The following LARP1B variants were observed in gnomAD, a reference collection of about 807,000 sequenced individuals.
LARP1B encodes La ribonucleoprotein 1B.
A neutral mutation model predicts 114.2 loss-of-function variants in LARP1B; 76 were observed. That is an observed-to-expected ratio of 0.67 (90% CI 0.55 to 0.81). LARP1B has a LOEUF of 0.81. LARP1B is among the 30% of genes least tolerant of loss of function. The pLI is 0.00. For synonymous variants in LARP1B, 345 were observed against 348.0 expected (o/e 0.99, Z 0.10); for missense variants, 1,014 against 1,075.8 (o/e 0.94, Z 0.80).
intron 15 of LARP1B, among the ~76,000 whole-genome samples, chr4:128,192,688 A>G (rs1752648599): frequency 6.6e-6 from 1 of 152,236 alleles, no homozygotes; most frequent in Admixed American, 6.5e-5. Context: ...AAGTGAAACC[A>G]TCTTTTAAGT....
chr4:128,162,157 G>A (rs746529483), intron 11 of LARP1B, 37 bp from the exon 12 acceptor site: 46 of 1,601,150 alleles, frequency 2.9e-5, no homozygotes, highest in Middle Eastern at 1.7e-4. Context: ...TACTCTGTTA[G>A]CCAGTTTAGT....
At chr4:128,088,021 G>A (rs1774349886) in intron 5 of LARP1B, among the ~76,000 whole-genome samples, 1 of 151,220 alleles carries the variant, frequency 6.6e-6, no homozygotes, top group African/African-American at 2.4e-5. Flanking sequence ...AATAGACAAA[G>A]TTATACAGAA....
At chr4:128,110,029 G>A (rs900100077) in intron 9 of LARP1B, among the ~76,000 whole-genome samples, 33 of 151,984 alleles carry the variant, frequency 2.2e-4, no homozygotes, top group African/African-American at 7.3e-4. Context: ...TCAGCCTCCC[G>A]AGTAGCTGAG....
intron 1 of LARP1B, chr4:128,069,099 C>T (rs764377167): frequency 1.7e-5 from 18 of 1,073,964 alleles, no homozygotes; most frequent in African/African-American, 9.3e-5. Flanking sequence ...GCACTTAAGG[C>T]CCTTTCCAAG....
chr4:128,201,300 A>G (rs1755863130), intron 17 of LARP1B, among the ~76,000 whole-genome samples: 1 of 152,194 alleles, frequency 6.6e-6, no homozygotes, highest in Non-Finnish European at 1.5e-5. Flanking sequence ...AGATGGGATC[A>G]TTAGGAACCA....
At chr4:128,095,670 A>G (rs948289893) in intron 7 of LARP1B, among the ~76,000 whole-genome samples, 2 of 152,100 alleles carry the variant, frequency 1.3e-5, no homozygotes, top group African/African-American at 4.8e-5. Flanking sequence ...CTTCCCCTTC[A>G]GTAAAAGGTA....
intron 7 of LARP1B, among the ~76,000 whole-genome samples, chr4:128,097,368 C>T (rs1281555954): frequency 6.6e-6 from 1 of 151,704 alleles, no homozygotes; most frequent in Non-Finnish European, 1.5e-5. Flanking sequence ...AGTGCAATGA[C>T]GCGATCTTGG....
In LARP1B at chr4:128,157,594, C is replaced by T. The variant is rs552157506; in HGVS notation, c.1525-4600C>T. Among the ~76,000 whole-genome samples, 7 of 152,128 alleles carry T rather than the reference C, an allele frequency of 4.6e-5. No individual in the cohort carries two copies. The South Asian group carries it at 1.2e-3, about 27-fold the overall frequency. On this transcript the variant is annotated intron_variant, in intron 11 of 19. Coordinates refer to ENST00000326639, the MANE Select transcript of LARP1B (RefSeq NM_018078.4). ...AAAGCTGGATAAAAAGGACAGATTA[C>T]AAGCATTAATAGTAAGACTTACAGC...
At position 128,211,701 on chromosome 4, in the gene LARP1B, C is replaced by T. The variant is rs1024198135; in HGVS notation, c.*1648C>T. 11 of 985,018 alleles carry T rather than the reference C, an allele frequency of 1.1e-5. No individual in the cohort carries two copies. In the African/African-American group the frequency reaches 1.7e-4, roughly 16 times the overall value. The allele number at this position is 985,018 out of a possible 1,614,324, so 61.0% of individuals were successfully genotyped here. ...ACCGTGCTTATTAGCTTTAAATGGT[C>T]TCTTGAAATGATCATAAATTTTTCT... On this transcript the variant is annotated 3_prime_UTR_variant, in exon 20 of 20. Transcript: ENST00000326639.
chr4:128,221,165 T>C (rs138555932), intron 7 of LARP1B, among the ~76,000 whole-genome samples: 50 of 152,326 alleles, frequency 3.3e-4, no homozygotes, highest in African/African-American at 1.2e-3. Flanking sequence ...TGATTTACAA[T>C]ATATGCTAAA....
At chr4:128,062,096 G>A in intron 1 of LARP1B, 1 of 985,408 alleles carries the variant, frequency 1.0e-6, no homozygotes, top group Non-Finnish European at 1.2e-6. Flanking sequence ...AGCTGGCCCT[G>A]CGGAAAAGCG....
intron 8 of LARP1B, among the ~76,000 whole-genome samples, chr4:128,098,747 G>GTGTGTGTGTGTGTGTA: frequency 6.4e-5 from 1 of 15,586 alleles, no homozygotes; most frequent in East Asian, 1.8e-3. Flanking sequence ...ATATGTATGT[G>GTGTGTGTGTGTGTGTA]TATATATATA....
At chr4:128,140,408 GA>G (rs1370499445) in intron 11 of LARP1B, among the ~76,000 whole-genome samples, 4 of 152,286 alleles carry the variant, frequency 2.6e-5, no homozygotes, top group African/African-American at 9.6e-5. Context: ...CTGAATGAAA[GA>G]AGTGAGGGTT....
chr4:128,097,830 C>T (rs1778629186), intron 7 of LARP1B, among the ~76,000 whole-genome samples: 1 of 151,844 alleles, frequency 6.6e-6, no homozygotes, highest in South Asian at 2.1e-4. Context: ...TTAAATGAAA[C>T]AAGTAGAAGT....
At chr4:128,152,662 A>AT (rs939243184) in intron 11 of LARP1B, among the ~76,000 whole-genome samples, 10 of 150,170 alleles carry the variant, frequency 6.7e-5, no homozygotes, top group Non-Finnish European at 1.3e-4. Context: ...TCTCCACTTC[A>AT]TTTTTTTATT....
chr4:128,157,172 T>C (rs1030006880), intron 11 of LARP1B, among the ~76,000 whole-genome samples: 5 of 152,150 alleles, frequency 3.3e-5, no homozygotes, highest in Admixed American at 3.3e-4. Context: ...AATTTCAGTA[T>C]AGAGCCAGAA....
At chr4:128,093,554 C>T (rs1355455828) in intron 7 of LARP1B, among the ~76,000 whole-genome samples, 2 of 151,604 alleles carry the variant, frequency 1.3e-5, no homozygotes, top group African/African-American at 4.8e-5. Flanking sequence ...CGAGATAGTG[C>T]CACTGCAGTC....
At chr4:128,067,147 A>G (rs553069389) in intron 1 of LARP1B, among the ~76,000 whole-genome samples, 104 of 152,242 alleles carry the variant, frequency 6.8e-4, no homozygotes, top group Non-Finnish European at 1.3e-3. Flanking sequence ...CTTAAGAAGT[A>G]AAGAAATAGG....
At chr4:128,132,705 A>G (rs1011135728) in intron 11 of LARP1B, among the ~76,000 whole-genome samples, 1 of 152,024 alleles carries the variant, frequency 6.6e-6, no homozygotes, top group African/African-American at 2.4e-5. Flanking sequence ...GCGGTCCCCA[A>G]CCTTTTTGAT....
Sources: allele counts gnomAD v4.1 joint callset (sites outside exome capture counted in the v4.1 genomes callset), GRCh38; gene constraint gnomAD v4.1.1; transcripts MANE v1.5; gene names NCBI Gene and HGNC (gene_info 2026-07-23, HGNC 2026-07-21).